HLA-E: variants seen among roughly 807,000 people sequenced by gnomAD.
HLA-E encodes HLA class I histocompatibility antigen, alpha chain E.
A neutral mutation model predicts 43.4 loss-of-function variants in HLA-E; 25 were observed. The ratio of observed to expected loss-of-function variants is 0.58; its 90% CI spans 0.42 to 0.80. The LOEUF (loss-of-function observed/expected upper bound fraction) is 0.80. Among genes scored for constraint, HLA-E ranks in the 30% least tolerant of loss-of-function variants. The pLI, the probability that HLA-E is intolerant of heterozygous loss-of-function variation, is 0.00. For synonymous variants in HLA-E, 161 were observed against 197.6 expected (o/e 0.81, Z 1.55); for missense variants, 343 against 470.0 (o/e 0.73, Z 2.50).
Position 30,490,658 on chromosome 6 carries a change from C to G in HLA-E, c.610+143C>G, listed in dbSNP as rs553362111. On this transcript the variant is annotated intron_variant, in intron 3 of 7. Coordinates refer to ENST00000376630, the MANE Select transcript of HLA-E (RefSeq NM_005516.6). The surrounding 1 kb of genome is among the most constrained non-coding windows in gnomAD (Gnocchi z 6.6). Reference sequence around the variant, plus strand: ...CTTGGATCAGGAGAGGGAGCTGTCACCTGAGGTACAGGAGATCCTATACCA... The same window carrying G: ...CTTGGATCAGGAGAGGGAGCTGTCAGCTGAGGTACAGGAGATCCTATACCA... 65 of 800,774 alleles carry G rather than the reference C, an allele frequency of 8.1e-5. 1 individual carries two copies. In the South Asian group the frequency reaches 1.0e-3, roughly 13 times the overall value. The allele number at this position is 800,774 out of a possible 1,614,324, so 49.6% of individuals were successfully genotyped here.
Position 30,491,937 on chromosome 6 carries a change from C to T in HLA-E, c.1003+284C>T, listed in dbSNP as rs1796570035. Among the ~76,000 whole-genome samples, 1 of 152,128 alleles carries T rather than the reference C, an allele frequency of 6.6e-6. No homozygotes were observed. The highest frequency in any genetic ancestry group is 1.5e-5 in the Non-Finnish European group (1 of 68,018). On this transcript the variant is annotated intron_variant, in intron 5 of 7. Coordinates refer to ENST00000376630, the MANE Select transcript of HLA-E (RefSeq NM_005516.6). The surrounding 1 kb of genome is among the most constrained non-coding windows in gnomAD (Gnocchi z 5.4). Reference sequence around the variant, plus strand: ...TCAGCCTCCCTAGTAGCTGGGACTACACATGCGTGCCACCACACCTGGCTA... The same window carrying T: ...TCAGCCTCCCTAGTAGCTGGGACTATACATGCGTGCCACCACACCTGGCTA...
In HLA-E at chr6:30,491,782, G is replaced by GT; in HGVS notation, c.1003+129_1003+130insT. ...CACACACGAGCCTACCCAGCCTGGG[G>GT]CCCTGTGTGCCAGCACCTACTCTTT... is the stretch of plus-strand genomic sequence containing the variant. On this transcript the variant is annotated intron_variant, in intron 5 of 7. Coordinates refer to ENST00000376630, the MANE Select transcript of HLA-E (RefSeq NM_005516.6). This position sits in a 1 kb window ranked among gnomAD's most constrained non-coding sequence, Gnocchi z 5.4. 1 of 735,106 alleles carries GT rather than the reference G, an allele frequency of 1.4e-6. No individual in the cohort carries two copies. The highest frequency in any genetic ancestry group is 2.3e-6 in the Non-Finnish European group (1 of 441,204). The allele number at this position is 735,106 out of a possible 1,614,324, so 45.5% of individuals were successfully genotyped here.
chr6:30,490,427 G>A lies in HLA-E; in HGVS notation c.522G>A (p.Ala174=). ...SEQKSNDASE[A]EHQRAYLEDT... ...AAAAGTCAAATGATGCCTCTGAGGC[G>A]GAGCACCAGAGAGCCTACCTGGAAG... Residue 174 remains alanine (A), a synonymous_variant, in exon 3 of 8, where the codon GCG becomes GCA. Transcript: ENST00000376630. This position sits in a 1 kb window ranked among gnomAD's most constrained non-coding sequence, Gnocchi z 6.6. 6.2e-7 allele frequency: 1 copy of A among 1,613,000 alleles called. No homozygotes were observed.
At position 30,494,063 on chromosome 6, in the gene HLA-E, G is replaced by A. The variant is rs555100679; in HGVS notation, c.*1317G>A. On this transcript the variant is annotated 3_prime_UTR_variant, in exon 8 of 8. Coordinates refer to ENST00000376630, the MANE Select transcript of HLA-E (RefSeq NM_005516.6). The surrounding 1 kb of genome is among the most constrained non-coding windows in gnomAD (Gnocchi z 4.9). ...CGTGAGGCAGCACACGAAGTCAAAA[G>A]AGATTATTCTCTTCCCACAGATACC... 2.8e-4 allele frequency: 42 copies of A among 152,382 alleles called. No individual in the cohort carries two copies. The highest frequency in any genetic ancestry group is 9.1e-4 in the Admixed American group (14 of 15,302). The allele number at this position is 152,382 out of a possible 1,614,324, so 9.4% of individuals were successfully genotyped here.
Position 30,491,308 on chromosome 6 carries a change from C to G in HLA-E, c.782C>G (p.Thr261Ser), listed in dbSNP as rs772379146. Residue 261 changes from threonine (T) to serine (S), a missense_variant, in exon 4 of 8, where the codon ACC becomes AGC. By Grantham distance (58) the Thr-to-Ser change is moderately conservative. Around this residue, in one of 3 missense-constraint regions of HLA-E, gnomAD observed 190 missense variants for 283.6 expected, o/e 0.67. Transcript: ENST00000376630. The surrounding 1 kb of genome is among the most constrained non-coding windows in gnomAD (Gnocchi z 5.4). ...LVETRPAGDG[T>S]FQKWAAVVVP... ...GAGACCAGGCCTGCAGGGGATGGAA[C>G]CTTCCAGAAGTGGGCAGCTGTGGTG... 1.2e-6 allele frequency: 2 copies of G among 1,614,102 alleles called. No homozygotes were observed. Among genetic ancestry groups the G allele is most frequent in the Non-Finnish European group, 1.7e-6 (2 of 1,180,054 alleles).
At position 30,490,197 on chromosome 6, in the gene HLA-E, G is replaced by T; in HGVS notation, c.335-43G>T. On this transcript the variant is annotated intron_variant, in intron 2 of 7. Transcript: ENST00000376630. The surrounding 1 kb of genome is among the most constrained non-coding windows in gnomAD (Gnocchi z 6.6). Reference sequence around the variant, plus strand: ...AATGCCCACAGGGTGGTGGCGACGGGGGCGGGGCTTGGTGGGCGGGACTGA... The same window carrying T: ...AATGCCCACAGGGTGGTGGCGACGGTGGCGGGGCTTGGTGGGCGGGACTGA... 6.3e-7 allele frequency: 1 copy of T among 1,596,342 alleles called. No homozygotes were observed. The highest frequency in any genetic ancestry group is 1.1e-5 in the South Asian group (1 of 89,850).
Position 30,490,878 on chromosome 6 carries a change from T to C in HLA-E, c.611-259T>C, listed in dbSNP as rs886709541. 2.6e-5 allele frequency among the ~76,000 whole-genome samples: 4 copies of C among 152,124 alleles called. No homozygotes were observed. Among genetic ancestry groups the C allele is most frequent in the Non-Finnish European group, 5.9e-5 (4 of 68,010 alleles). On this transcript the variant is annotated intron_variant, in intron 3 of 7. Transcript: ENST00000376630. This position sits in a 1 kb window ranked among gnomAD's most constrained non-coding sequence, Gnocchi z 6.6. Reference sequence around the variant, plus strand: ...GTTTTTGGAGGTCTGACTCCAGCTTTTCTCAGTCACTCAGCATCCACACAG... The same window carrying C: ...GTTTTTGGAGGTCTGACTCCAGCTTCTCTCAGTCACTCAGCATCCACACAG...
rs546671217 is a variant in HLA-E, at chr6:30,491,379, G to A, written c.853G>A (p.Glu285Lys). The A allele has an allele frequency of 4.3e-6, 7 of 1,614,226 alleles. No homozygotes were observed. In the African/African-American group the frequency reaches 9.3e-5, roughly 22 times the overall value. ...EQRYTCHVQH[E>K]GLPEPVTLRW... is the part of the protein sequence containing the mutation. ...GAGATACACGTGCCATGTGCAGCAT[G>A]AGGGGCTACCCGAGCCCGTCACCCT... Residue 285 changes from glutamate to lysine, a missense_variant, in exon 4 of 8, where the codon GAG (glutamate) becomes AAG (lysine). Transcript: ENST00000376630. The surrounding 1 kb of genome is among the most constrained non-coding windows in gnomAD (Gnocchi z 5.4).
rs780486296 is a variant in HLA-E, at chr6:30,491,272, C to T, written c.746C>T (p.Thr249Met). 13 of 1,614,156 alleles carry T rather than the reference C, an allele frequency of 8.1e-6. 1 individual carries two copies. The highest frequency in any genetic ancestry group is 1.7e-4 in the Middle Eastern group (1 of 6,060). ...QQDGEGHTQD[T>M]ELVETRPAGD... Reference sequence around the variant, plus strand: ...GATGGGGAGGGCCATACCCAGGACACGGAGCTCGTGGAGACCAGGCCTGCA... The same window carrying T: ...GATGGGGAGGGCCATACCCAGGACATGGAGCTCGTGGAGACCAGGCCTGCA... Residue 249 changes from threonine to methionine, a missense_variant, in exon 4 of 8, where the codon ACG becomes ATG. Thr to Met is a moderately conservative substitution (Grantham distance 81, BLOSUM62 -1). Transcript: ENST00000376630. This position sits in a 1 kb window ranked among gnomAD's most constrained non-coding sequence, Gnocchi z 5.4.
chr6:30,491,156 G>C lies in HLA-E; in HGVS notation c.630G>C (p.Val210=), dbSNP rs11548296. 19,953 of 1,613,892 alleles carry C rather than the reference G, an allele frequency of 0.012. 333 individuals carry two copies. Among genetic ancestry groups the C allele is most frequent in the African/African-American group, 0.074 (5,573 of 75,018 alleles). The change falls in exon 4 of 8, where the codon GTG becomes GTC. Residue 210 remains valine, a synonymous_variant. Transcript: ENST00000376630. The surrounding 1 kb of genome is among the most constrained non-coding windows in gnomAD (Gnocchi z 5.4). ...CCTCAGAGCCCCCAAAGACACACGT[G>C]ACTCACCACCCCATCTCTGACCATG... ...LLHLEPPKTH[V]THHPISDHEA...
At position 30,493,455 on chromosome 6, in the gene HLA-E, T is replaced by C. The variant is rs1404216098; in HGVS notation, c.*709T>C. On this transcript the variant is annotated 3_prime_UTR_variant, in exon 8 of 8. Transcript: ENST00000376630. This position sits in a 1 kb window ranked among gnomAD's most constrained non-coding sequence, Gnocchi z 5.5. ...TTTAGCCTATTCCTATTCTCTAGCC[T>C]ATTCCTTACCACCTGTAATCTTGAC... The C allele has an allele frequency of 6.6e-6, 1 of 152,240 alleles. No homozygotes were observed. Among genetic ancestry groups the C allele is most frequent in the Non-Finnish European group, 1.5e-5 (1 of 68,054 alleles). 9.4% of individuals were successfully genotyped at this position (152,240 alleles called of 1,614,324 possible). A position where few individuals can be genotyped will look rare whatever the true frequency, so the allele number is the denominator to read the frequency against.
Position 30,490,195 on chromosome 6 carries a change from G to A in HLA-E, c.335-45G>A, listed in dbSNP as rs751323354. 1.9e-6 allele frequency: 3 copies of A among 1,594,106 alleles called. No individual in the cohort carries two copies. Among genetic ancestry groups the A allele is most frequent in the Non-Finnish European group, 1.7e-6 (2 of 1,169,668 alleles). ...AAAATGCCCACAGGGTGGTGGCGAC[G>A]GGGGCGGGGCTTGGTGGGCGGGACT... On this transcript the variant is annotated intron_variant, in intron 2 of 7. Transcript: ENST00000376630. The surrounding 1 kb of genome is among the most constrained non-coding windows in gnomAD (Gnocchi z 6.6).
Position 30,492,870 on chromosome 6 carries a change from G to A in HLA-E, c.*124G>A, listed in dbSNP as rs1283480538. On this transcript the variant is annotated 3_prime_UTR_variant, in exon 8 of 8. Transcript: ENST00000376630. The surrounding 1 kb of genome is among the most constrained non-coding windows in gnomAD (Gnocchi z 4.5). ...GGACTCTGGCTTCTCTTTTTGCAAG[G>A]GCCTCTGAATCTGTCTGTGTCCCTG... 1.8e-6 allele frequency: 1 copy of A among 564,508 alleles called. No individual in the cohort carries two copies. The highest frequency in any genetic ancestry group is 3.1e-6 in the Non-Finnish European group (1 of 320,308). 35.0% of individuals were successfully genotyped at this position (564,508 alleles called of 1,614,324 possible). A position where few individuals can be genotyped will look rare whatever the true frequency, so the allele number is the denominator to read the frequency against.
rs751601679 is a variant in HLA-E, at chr6:30,492,414, A to C, written c.1014A>C (p.Gly338=). ...IWRKKSSGGK[G]GSYSKAEWSD... ...ATTTTCTTCCAACAGGTGGAAAAGG[A>C]GGGAGCTACTCTAAGGCTGAGTGTA... Residue 338 remains glycine, a synonymous_variant, in exon 6 of 8, where the codon GGA becomes GGC. Coordinates refer to ENST00000376630, the MANE Select transcript of HLA-E (RefSeq NM_005516.6). This position sits in a 1 kb window ranked among gnomAD's most constrained non-coding sequence, Gnocchi z 4.5. 3.7e-6 allele frequency: 6 copies of C among 1,614,134 alleles called. No homozygotes were observed. Among genetic ancestry groups the C allele is most frequent in the Non-Finnish European group, 5.1e-6 (6 of 1,180,000 alleles).
Position 30,490,936 on chromosome 6 carries a change from C to G in HLA-E, c.611-201C>G, listed in dbSNP as rs1190359405. On this transcript the variant is annotated intron_variant, in intron 3 of 7. Transcript: ENST00000376630. The surrounding 1 kb of genome is among the most constrained non-coding windows in gnomAD (Gnocchi z 6.6). Reference sequence around the variant, plus strand: ...CCAGAAATCCCTTTTCACCTTCTACCCTGGGCTAGCTCATCCCGATTCTAG... The same window carrying G: ...CCAGAAATCCCTTTTCACCTTCTACGCTGGGCTAGCTCATCCCGATTCTAG... 6.6e-6 allele frequency among the ~76,000 whole-genome samples: 1 copy of G among 152,168 alleles called. No individual in the cohort carries two copies. The highest frequency in any genetic ancestry group is 1.5e-5 in the Non-Finnish European group (1 of 68,028).
chr6:30,490,399 A>C lies in HLA-E; in HGVS notation c.494A>C (p.Glu165Ala). The C allele has an allele frequency of 6.2e-7, 1 of 1,613,086 alleles. No homozygotes were observed. The change falls in exon 3 of 8, where the codon GAG (glutamate) becomes GCG (alanine). Residue 165 changes from glutamate to alanine, a missense_variant. By Grantham distance (107) the Glu-to-Ala change is moderately radical (BLOSUM62 -1). Transcript: ENST00000376630. This position sits in a 1 kb window ranked among gnomAD's most constrained non-coding sequence, Gnocchi z 6.6. ...GTGGACACGGCGGCTCAGATCTCCG[A>C]GCAAAAGTCAAATGATGCCTCTGAG... ...TAVDTAAQIS[E>A]QKSNDASEAE...
At position 30,492,160 on chromosome 6, in the gene HLA-E, T is replaced by C. The variant is rs1008206715; in HGVS notation, c.1004-244T>C. On this transcript the variant is annotated intron_variant, in intron 5 of 7. Coordinates refer to ENST00000376630, the MANE Select transcript of HLA-E (RefSeq NM_005516.6). This position sits in a 1 kb window ranked among gnomAD's most constrained non-coding sequence, Gnocchi z 4.5. ...AAGGACAGATTTATCACCTTGACGA[T>C]TGTGGTGATGGGGACCTGATCCCAG... 2.0e-5 allele frequency among the ~76,000 whole-genome samples: 3 copies of C among 152,010 alleles called. No homozygotes were observed. The highest frequency in any genetic ancestry group is 7.3e-5 in the African/African-American group (3 of 41,352).
In HLA-E at chr6:30,492,478, T is replaced by G. The variant is rs1162316049; in HGVS notation, c.1036+42T>G. ...AGCGTGGAGGAGCTCGCCCACCCTA[T>G]AATTCCTCCTGCACCACATCTCCTG... On this transcript the variant is annotated intron_variant, in intron 6 of 7. Coordinates refer to ENST00000376630, the MANE Select transcript of HLA-E (RefSeq NM_005516.6). This position sits in a 1 kb window ranked among gnomAD's most constrained non-coding sequence, Gnocchi z 4.5. 1 of 1,614,032 alleles carries G rather than the reference T, an allele frequency of 6.2e-7. No homozygotes were observed. Among genetic ancestry groups the G allele is most frequent in the East Asian group, 2.2e-5 (1 of 44,872 alleles).
In HLA-E at chr6:30,490,249, C is replaced by G. The variant is rs772528759; in HGVS notation, c.344C>G (p.Thr115Ser). Residue 115 changes from threonine (T) to serine (S), a missense_variant, in exon 3 of 8, where the codon ACC becomes AGC. By Grantham distance (58) the Thr-to-Ser change is moderately conservative. This residue lies in a region of HLA-E where 59 missense variants were observed against 42.0 expected (regional missense o/e 1.40). Coordinates refer to ENST00000376630, the MANE Select transcript of HLA-E (RefSeq NM_005516.6). This position sits in a 1 kb window ranked among gnomAD's most constrained non-coding sequence, Gnocchi z 6.6. ...TAAGGGGCGGGGCCAGGGTCTCACA[C>G]CCTGCAGTGGATGCATGGCTGCGAG... ...YYNQSEAGSH[T>S]LQWMHGCELG... The G allele has an allele frequency of 9.9e-6, 16 of 1,612,118 alleles. No homozygotes were observed. Among genetic ancestry groups the G allele is most frequent in the Non-Finnish European group, 1.3e-5 (15 of 1,179,728 alleles).
Sources: allele counts gnomAD v4.1 joint callset (sites outside exome capture counted in the v4.1 genomes callset), GRCh38; gene constraint gnomAD v4.1.1; regional missense constraint gnomAD v4.1.1; non-coding constraint Gnocchi (gnomAD v3.1); transcripts MANE v1.5; gene names NCBI Gene and HGNC (gene_info 2026-07-23, HGNC 2026-07-21).